ZNF14: variants seen among roughly 807,000 people sequenced by gnomAD.
ZNF14 encodes the protein zinc finger protein 14, also known as gonadotropin inducible transcription repressor-4.
Under a neutral mutation model 11.3 loss-of-function variants are expected in ZNF14, and 9 were observed. That is an observed-to-expected ratio of 0.80 (90% CI 0.48 to 1.39). ZNF14 has a LOEUF of 1.39. Among genes scored for constraint, ZNF14 ranks in the 40% most tolerant of loss-of-function variants. ZNF14 has a pLI of 0.00. For missense variants in ZNF14, 711 were observed against 763.9 expected (o/e 0.93, Z 0.82); for synonymous variants, 239 against 245.7 (o/e 0.97, Z 0.25).
rs200536780 is a variant in ZNF14 at position 19,725,634 on chromosome 19, G to T, written c.3+7322C>A. On this transcript the variant is annotated intron_variant, in intron 1 of 3. Coordinates refer to ENST00000344099, the MANE Select transcript of ZNF14 (RefSeq NM_021030.3). ...TTTGAATGTTGGCCTGCCTTGCTAG[G>T]TTGGGGAAGTTCTCCTGGATAATAT... is the stretch of plus-strand genomic sequence containing the variant. Among the ~76,000 whole-genome samples the T allele has an allele frequency of 1.2e-3, 162 of 133,926 alleles. 28 individuals are homozygous for T. The East Asian group carries it at 0.032, about 26-fold the overall frequency. The allele number at this position is 133,926 out of a possible 152,430, so 87.9% of individuals were successfully genotyped here.
chr19:19,724,294 C>A (rs182464861), intron 1 of ZNF14, among the ~76,000 whole-genome samples: 2 of 133,564 alleles, frequency 1.5e-5, no homozygotes, highest in South Asian at 4.9e-4. Flanking sequence ...TTTGTTCTCA[C>A]TGGTTTCAAA....
At position 19,726,521 on chromosome 19, in the gene ZNF14, T is replaced by C. The variant is rs1263025771; in HGVS notation, c.3+6435A>G. On this transcript the variant is annotated intron_variant, in intron 1 of 3. Coordinates refer to ENST00000344099, the MANE Select transcript of ZNF14 (RefSeq NM_021030.3). The stretch of plus-strand genomic sequence containing the variant: ...ATTGGGAGGTGTCTCCCAGTTAGGC[T>C]ACTCAGGGGTCAGGGACCCATTTGA... Among the ~76,000 whole-genome samples, 2 of 134,310 alleles carry C rather than the reference T, an allele frequency of 1.5e-5. 1 individual carries two copies. Among genetic ancestry groups the C allele is most frequent in the African/African-American group, 5.5e-5 (2 of 36,400 alleles). The allele number at this position is 134,310 out of a possible 152,430, so 88.1% of individuals were successfully genotyped here. A position where few individuals can be genotyped will look rare whatever the true frequency, so the allele number is the denominator to read the frequency against.
chr19:19,714,713 C>CTTTTTTTTTTTTTTTT (rs3031866), intron 1 of ZNF14, among the ~76,000 whole-genome samples: 1 of 122,850 alleles, frequency 8.1e-6, no homozygotes, highest in Non-Finnish European at 1.7e-5. Context: ...TTTTCTTTTT[C>CTTTTTTTTTTTTTTTT]TTTTTTTTTT....
At chr19:19,722,415 C>T (rs2062395497) in intron 1 of ZNF14, among the ~76,000 whole-genome samples, 1 of 152,202 alleles carries the variant, frequency 6.6e-6, no homozygotes, top group South Asian at 2.1e-4. Context: ...GTGCTCCGTT[C>T]TGTTCCACTG....
At chr19:19,731,828 G>C (rs955824248) in intron 1 of ZNF14, among the ~76,000 whole-genome samples, 1 of 152,168 alleles carries the variant, frequency 6.6e-6, no homozygotes. Context: ...AGCACTTTGG[G>C]AGGCCAAGGC....
chr19:19,714,734 C>CA (rs1252521253), intron 1 of ZNF14, among the ~76,000 whole-genome samples: 5 of 43,066 alleles, frequency 1.2e-4, no homozygotes, highest in Non-Finnish European at 1.9e-4. Context: ...TTTTTTGAGA[C>CA]AGAGTCTTGC....
chr19:19,711,974 C>CTT lies in ZNF14; in HGVS notation c.1305_1306dup (p.Arg436LysfsTer271). ...CTCTGCATTGTGAGTCCTTTCATGT[C>CTT]TTTGAAGGGAACTTGAAAAACTGAA... On this transcript the variant is annotated frameshift_variant, in exon 4 of 4. Coordinates refer to ENST00000344099, the MANE Select transcript of ZNF14 (RefSeq NM_021030.3). LOFTEE classifies it low-confidence loss of function (END_TRUNC). 6.2e-7 allele frequency: 1 copy of CTT among 1,610,530 alleles called. No homozygotes were observed.
chr19:19,718,704 A>C (rs2062384330), intron 1 of ZNF14, among the ~76,000 whole-genome samples: 1 of 152,190 alleles, frequency 6.6e-6, no homozygotes, highest in African/African-American at 2.4e-5. Flanking sequence ...ACAAAGAAAA[A>C]CTTTGAAAGA....
chr19:19,731,794 G>A (rs971651170), intron 1 of ZNF14, among the ~76,000 whole-genome samples: 2 of 152,136 alleles, frequency 1.3e-5, no homozygotes, highest in Admixed American at 1.3e-4. Flanking sequence ...TTAGCCGGGC[G>A]CGGTGGCTCA....
intron 1 of ZNF14, among the ~76,000 whole-genome samples, chr19:19,729,519 G>T (rs986567515): frequency 1.3e-5 from 2 of 151,922 alleles, no homozygotes; most frequent in African/African-American, 4.8e-5. Flanking sequence ...GTTTCACCAC[G>T]TTGGCCAGGC....
intron 1 of ZNF14, among the ~76,000 whole-genome samples, chr19:19,732,024 C>A (rs1351060831): frequency 6.6e-6 from 1 of 152,184 alleles, no homozygotes; most frequent in Non-Finnish European, 1.5e-5. Context: ...GGAGATCGCG[C>A]CACTGCACTC....
rs774344012 is a variant in ZNF14, at chr19:19,711,328, G to A, written c.*24C>T. On this transcript the variant is annotated 3_prime_UTR_variant, in exon 4 of 4. Coordinates refer to ENST00000344099, the MANE Select transcript of ZNF14 (RefSeq NM_021030.3). ...TTCAGAAGGAGCTGGAACAACCGAA[G>A]GCTTCAGAATGTTGCTTATATTCTT... The A allele has an allele frequency of 6.6e-6, 10 of 1,526,694 alleles. No homozygotes were observed. Among genetic ancestry groups the A allele is most frequent in the Non-Finnish European group, 8.8e-6 (10 of 1,142,352 alleles). 94.6% of individuals were successfully genotyped at this position (1,526,694 alleles called of 1,614,324 possible).
chr19:19,732,386 A>C (rs545720304), intron 1 of ZNF14, among the ~76,000 whole-genome samples: 1 of 152,326 alleles, frequency 6.6e-6, no homozygotes, highest in African/African-American at 2.4e-5. Flanking sequence ...ATCAGTTAAG[A>C]TAAGGAGTCC....
intron 1 of ZNF14, among the ~76,000 whole-genome samples, chr19:19,721,471 C>T (rs1334235730): frequency 6.6e-6 from 1 of 152,190 alleles, no homozygotes; most frequent in Non-Finnish European, 1.5e-5. Context: ...TCTCCAAATT[C>T]TCACTAGACC....
At chr19:19,726,578 A>C (rs1380420965) in intron 1 of ZNF14, among the ~76,000 whole-genome samples, 1 of 131,926 alleles carries the variant, frequency 7.6e-6, no homozygotes, top group African/African-American at 2.8e-5. Context: ...AGATCTCAAA[A>C]TCCATGCTGG....
Position 19,724,389 on chromosome 19 carries a change from GT to G in ZNF14, c.3+8566del, listed in dbSNP as rs1365262764. Among the ~76,000 whole-genome samples, 8 of 134,240 alleles carry G rather than the reference GT, an allele frequency of 6.0e-5. 1 individual carries two copies. The highest frequency in any genetic ancestry group is 1.3e-4 in the Non-Finnish European group (8 of 60,382). The allele number at this position is 134,240 out of a possible 152,430, so 88.1% of individuals were successfully genotyped here. A position where few individuals can be genotyped will look rare whatever the true frequency, so the allele number is the denominator to read the frequency against. ...TGTTCAGTTTCGATGCAGTTGAGTG[GT>G]TTTGAGTTAGTTTCTTAATCCTGAG... is the stretch of plus-strand genomic sequence containing the variant. On this transcript the variant is annotated intron_variant, in intron 1 of 3. Transcript: ENST00000344099.
chr19:19,716,690 A>G (rs563908287), intron 1 of ZNF14, among the ~76,000 whole-genome samples: 5 of 152,198 alleles, frequency 3.3e-5, no homozygotes, highest in Admixed American at 3.3e-4. Flanking sequence ...GAAATTGTCA[A>G]TCCCAGCCGT....
intron 1 of ZNF14, among the ~76,000 whole-genome samples, chr19:19,723,531 G>T (rs1450277553): frequency 1.3e-5 from 2 of 152,072 alleles, no homozygotes; most frequent in South Asian, 2.1e-4. Context: ...AGGGATATTG[G>T]TCTAAAATTC....
intron 3 of ZNF14, 121 bp downstream of exon 3, chr19:19,713,970 G>A (rs138102236): frequency 1.1e-6 from 1 of 934,762 alleles, no homozygotes; most frequent in Non-Finnish European, 1.6e-6. Flanking sequence ...ATGTTTTTAA[G>A]AAAACATTTT....
Sources: allele counts gnomAD v4.1 joint callset (sites outside exome capture counted in the v4.1 genomes callset), GRCh38; gene constraint gnomAD v4.1.1; transcripts MANE v1.5; gene names NCBI Gene and HGNC (gene_info 2026-07-23, HGNC 2026-07-21).